Variants in ARHGEF12 observed in about 807,000 individuals in gnomAD.
ARHGEF12 encodes Rho guanine nucleotide exchange factor 12, also known as KMT2A/ARHGEF12 fusion protein.
ARHGEF12 carries 66 observed loss-of-function variants against 211.2 expected under a neutral mutation model. The ratio of observed to expected loss-of-function variants is 0.31; its 90% CI spans 0.26 to 0.38. The LOEUF (loss-of-function observed/expected upper bound fraction) is 0.38, where lower values mean the gene tolerates loss of function less well. Among genes scored for constraint, ARHGEF12 ranks in the 10% least tolerant of loss-of-function variants. ARHGEF12 has a pLI of 1.00. For synonymous variants in ARHGEF12, 592 were observed against 638.4 expected (o/e 0.93, Z 1.09); for missense variants, 1,429 against 1,869.5 (o/e 0.76, Z 4.34).
chr11:120,461,248 A>G (rs935275034), intron 27 of ARHGEF12, among the ~76,000 whole-genome samples: 1 of 152,210 alleles, frequency 6.6e-6, no homozygotes, highest in African/African-American at 2.4e-5. Context: ...CTTAAATAAT[A>G]AGACTTGAAA....
intron 40 of ARHGEF12, among the ~76,000 whole-genome samples, chr11:120,484,849 T>G (rs1764251628): frequency 6.6e-6 from 1 of 152,138 alleles, no homozygotes; most frequent in African/African-American, 2.4e-5. Flanking sequence ...GATTTGGCCT[T>G]ATTGGATGTT....
intron 5 of ARHGEF12, 114 bp from the exon 6 acceptor site, chr11:120,421,689 G>A: frequency 1.1e-6 from 1 of 909,508 alleles, no homozygotes; most frequent in East Asian, 2.7e-5. Context: ...GCCCGCCTCG[G>A]CCTCCCAAAG....
At chr11:120,446,601 C>G (rs1314061257) in intron 17 of ARHGEF12, 93 bp downstream of exon 17, 4 of 891,492 alleles carry the variant, frequency 4.5e-6, no homozygotes, top group Non-Finnish European at 6.9e-6. Context: ...TAGCTTAGCA[C>G]TAGATAAACC....
In ARHGEF12 at chr11:120,398,069, C is replaced by T. The variant is rs181780869; in HGVS notation, c.33-8049C>T. 4.2e-3 allele frequency among the ~76,000 whole-genome samples: 641 copies of T among 152,178 alleles called. 7 individuals are homozygous for T. The highest frequency in any genetic ancestry group is 0.015 in the African/African-American group (617 of 41,514). ...CTTCATATTGAAAAGGCAGAGAGAACCATTGCTTTATAGGAAACTACAGTT... is the reference window on the plus strand; with the variant it reads ...CTTCATATTGAAAAGGCAGAGAGAATCATTGCTTTATAGGAAACTACAGTT... On this transcript the variant is annotated intron_variant, in intron 1 of 40. Transcript: ENST00000397843.
At chr11:120,347,262 CTCTCTGTCTGTG>C (rs1259966359) in intron 1 of ARHGEF12, among the ~76,000 whole-genome samples, 4 of 117,696 alleles carry the variant, frequency 3.4e-5, no homozygotes, top group South Asian at 3.3e-4. Flanking sequence ...CTCTCTCTCT[CTCTCTGTCTGTG>C]TGTGTGTGTG....
chr11:120,388,826 C>G (rs925859060), intron 1 of ARHGEF12, among the ~76,000 whole-genome samples: 2 of 151,830 alleles, frequency 1.3e-5, no homozygotes, highest in South Asian at 4.2e-4. Flanking sequence ...GTAAGAGTTC[C>G]TTATATGTTT....
At chr11:120,447,967 T>A in intron 19 of ARHGEF12, 61 bp downstream of exon 19, 1 of 1,279,952 alleles carries the variant, frequency 7.8e-7, no homozygotes, top group Non-Finnish European at 1.1e-6. Flanking sequence ...GTTTTTTTCC[T>A]TTCAGTCCTA....
intron 27 of ARHGEF12, among the ~76,000 whole-genome samples, chr11:120,462,365 C>G (rs192072823): frequency 5.5e-4 from 83 of 152,160 alleles, no homozygotes; most frequent in African/African-American, 1.9e-3. Context: ...GTTCATGGTG[C>G]CCCAAAGCAA....
In ARHGEF12 at chr11:120,477,423, T is replaced by G. The variant is rs774906945; in HGVS notation, c.3453-24T>G. 2.4e-4 allele frequency: 352 copies of G among 1,489,566 alleles called. No individual in the cohort carries two copies. In the African/African-American group the frequency reaches 3.7e-3, roughly 16 times the overall value. The allele number at this position is 1,489,566 out of a possible 1,614,324, so 92.3% of individuals were successfully genotyped here. A position where few individuals can be genotyped will look rare whatever the true frequency, so the allele number is the denominator to read the frequency against. ...AGATACCTCAGGAAGGTAAAAGTTT[T>G]TTTTTTTTTTTTTTTCTCTACAGAG... is the stretch of plus-strand genomic sequence containing the variant. On this transcript the variant is annotated intron_variant, in intron 35 of 40. Coordinates refer to ENST00000397843, the MANE Select transcript of ARHGEF12 (RefSeq NM_015313.3).
intron 27 of ARHGEF12, 115 bp downstream of exon 27, chr11:120,460,872 C>A: frequency 1.1e-6 from 1 of 900,370 alleles, no homozygotes; most frequent in African/African-American, 1.7e-5. Context: ...AAAGTTAATG[C>A]AAAGCTGAGA....
chr11:120,468,572 C>G (rs1051706348), intron 29 of ARHGEF12, among the ~76,000 whole-genome samples: 43 of 152,178 alleles, frequency 2.8e-4, no homozygotes, highest in Non-Finnish European at 1.3e-4. Context: ...CCTCAGCCTC[C>G]CGAGTAGCTG....
rs1392292173 is a variant in ARHGEF12, at chr11:120,447,322, T to G, written c.1589+237T>G. 3.9e-5 allele frequency: 16 copies of G among 406,048 alleles called. 1 individual carries two copies. The highest frequency in any genetic ancestry group is 1.7e-5 in the Non-Finnish European group (4 of 232,368). The allele number at this position is 406,048 out of a possible 1,614,324, so 25.2% of individuals were successfully genotyped here. Reference sequence around the variant, plus strand: ...GGGTAACTCTAAAACTTCTAATCAGTGATCAAAAACAGGTTGATTACTTTC... The same window carrying G: ...GGGTAACTCTAAAACTTCTAATCAGGGATCAAAAACAGGTTGATTACTTTC... On this transcript the variant is annotated intron_variant, in intron 18 of 40. Coordinates refer to ENST00000397843, the MANE Select transcript of ARHGEF12 (RefSeq NM_015313.3).
At chr11:120,390,559 G>A (rs1227817427) in intron 1 of ARHGEF12, among the ~76,000 whole-genome samples, 1 of 152,196 alleles carries the variant, frequency 6.6e-6, no homozygotes, top group Non-Finnish European at 1.5e-5. Flanking sequence ...GATACAGATT[G>A]TGTAGGATTG....
Position 120,407,738 on chromosome 11 carries a change from G to A in ARHGEF12, c.57G>A (p.Arg19=), listed in dbSNP as rs777494226. The A allele has an allele frequency of 4.3e-6, 7 of 1,611,428 alleles. No homozygotes were observed. In the Middle Eastern group the frequency reaches 1.2e-3, roughly 266 times the overall value. The part of the protein sequence containing the change: ...TDRFPLKKPI[R]HGSILNRESP... ...ATTTGATTACTTTGCTTTAATTTAG[G>A]CATGGAAGTATTTTGAACCGAGAGT... Residue 19 remains arginine (R), a splice_region_variant and synonymous_variant, in exon 3 of 41, where the codon AGG becomes AGA. Coordinates refer to ENST00000397843, the MANE Select transcript of ARHGEF12 (RefSeq NM_015313.3).
intron 6 of ARHGEF12, 72 bp from the exon 7 acceptor site, chr11:120,424,286 A>G: frequency 5.8e-6 from 6 of 1,039,352 alleles, no homozygotes; most frequent in Non-Finnish European, 8.9e-6. Flanking sequence ...TATGTATGAT[A>G]ATTCTTGAAG....
intron 1 of ARHGEF12, among the ~76,000 whole-genome samples, chr11:120,355,290 T>C (rs556353157): frequency 6.6e-6 from 1 of 152,356 alleles, no homozygotes; most frequent in East Asian, 1.9e-4. Context: ...GTTGCTTTTA[T>C]ATGTTTATTT....
At chr11:120,421,448 T>C (rs1945186715) in intron 5 of ARHGEF12, among the ~76,000 whole-genome samples, 1 of 140,458 alleles carries the variant, frequency 7.1e-6, no homozygotes, top group African/African-American at 2.7e-5. Context: ...TTTTGTTTTT[T>C]TTTTTTTGGA....
rs1943437272 is a variant in ARHGEF12 at position 120,366,886 on chromosome 11, C to T, written c.32+29611C>T. 2.0e-5 allele frequency among the ~76,000 whole-genome samples: 3 copies of T among 152,092 alleles called. No homozygotes were observed. The South Asian group carries it at 6.2e-4, about 32-fold the overall frequency. On this transcript the variant is annotated intron_variant, in intron 1 of 40. Coordinates refer to ENST00000397843, the MANE Select transcript of ARHGEF12 (RefSeq NM_015313.3). ...AAAAAATTAGCTGGGCGTGGTGGCA[C>T]ACGCCTGCAATCCCAGCTACTTGGG...
chr11:120,441,279 AT>A (rs1411659900), intron 13 of ARHGEF12, among the ~76,000 whole-genome samples: 1 of 152,174 alleles, frequency 6.6e-6, no homozygotes, highest in Non-Finnish European at 1.5e-5. Context: ...GATTATACAA[AT>A]ATTCTAGGAT....
Sources: gnomAD v4.1 joint callset for allele counts (sites outside exome capture counted in the v4.1 genomes callset) on GRCh38, gnomAD v4.1.1 for gene constraint, MANE v1.5 for transcripts, NCBI Gene and HGNC (gene_info 2026-07-23, HGNC 2026-07-21) for gene names.